Variants in DYNC1I1 observed in about 807,000 individuals in gnomAD.
DYNC1I1 encodes the protein dynein cytoplasmic 1 intermediate chain 1, also known as cytoplasmic dynein 1 intermediate chain 1.
In DYNC1I1, 43 loss-of-function variants were observed where a neutral mutation model predicts 86.6. The observed-to-expected ratio is 0.50, with a 90% CI of 0.39 to 0.64. DYNC1I1 has a LOEUF of 0.64. DYNC1I1 is among the 30% of genes least tolerant of loss of function. DYNC1I1 has a pLI of 0.00. For synonymous variants in DYNC1I1, 262 were observed against 283.7 expected (o/e 0.92, Z 0.77); for missense variants, 604 against 788.8 (o/e 0.77, Z 2.81).
chr7:95,884,328 C>T (rs373781104), intron 6 of DYNC1I1, among the ~76,000 whole-genome samples: 18 of 152,086 alleles, frequency 1.2e-4, no homozygotes, highest in African/African-American at 4.1e-4. Flanking sequence ...GAGAGATGAG[C>T]TCAGATTGGA....
chr7:95,821,449 G>A (rs1159553492), intron 4 of DYNC1I1, among the ~76,000 whole-genome samples: 1 of 152,062 alleles, frequency 6.6e-6, no homozygotes, highest in Non-Finnish European at 1.5e-5. Context: ...AATCCTGGTT[G>A]GAGAATGCCT....
At position 95,980,113 on chromosome 7, in the gene DYNC1I1, C is replaced by G. The variant is rs192178021; in HGVS notation, c.580+2512C>G. On this transcript the variant is annotated intron_variant, in intron 7 of 16. Coordinates refer to ENST00000447467, the MANE Select transcript of DYNC1I1 (RefSeq NM_001135556.2). Reference sequence around the variant, plus strand: ...AGCAACCTCCTTCTTAAGTTCCAAGCGAAAACACCCTTCAGTTTTAACTGT... The same window carrying G: ...AGCAACCTCCTTCTTAAGTTCCAAGGGAAAACACCCTTCAGTTTTAACTGT... Among the ~76,000 whole-genome samples, 4 of 152,208 alleles carry G rather than the reference C, an allele frequency of 2.6e-5. No homozygotes were observed. The East Asian group carries it at 5.8e-4, about 22-fold the overall frequency.
intron 6 of DYNC1I1, among the ~76,000 whole-genome samples, chr7:95,954,800 C>A (rs1180121875): frequency 6.6e-6 from 1 of 150,834 alleles, no homozygotes; most frequent in African/African-American, 2.4e-5. Flanking sequence ...CCTGTAGTCC[C>A]AGCTACTCAG....
intron 5 of DYNC1I1, among the ~76,000 whole-genome samples, chr7:95,857,104 C>T (rs977572932): frequency 4.6e-5 from 7 of 152,178 alleles, no homozygotes; most frequent in Non-Finnish European, 7.3e-5. Context: ...AGTGTTTTCC[C>T]GAAGTCATTC....
chr7:95,785,300 G>C (rs1215354746), intron 1 of DYNC1I1, among the ~76,000 whole-genome samples: 13 of 152,150 alleles, frequency 8.5e-5, no homozygotes, highest in Admixed American at 3.3e-4. Context: ...TGTGGTCCCA[G>C]CTACTTAGGA....
rs1481814094 is a variant in DYNC1I1 at position 96,039,438 on chromosome 7, T to G, written c.1509+17T>G. On this transcript the variant is annotated intron_variant, in intron 14 of 16. Transcript: ENST00000447467. ...ACCACCAAGGTAAGAATATCTTGACTGAAATTCTCAGATAATACATAAGGG... is the reference window on the plus strand; with the variant it reads ...ACCACCAAGGTAAGAATATCTTGACGGAAATTCTCAGATAATACATAAGGG... The G allele has an allele frequency of 2.5e-6, 4 of 1,613,440 alleles. No homozygotes were observed. The highest frequency in any genetic ancestry group is 1.1e-5 in the South Asian group (1 of 91,064).
At chr7:95,819,047 C>T (rs1371646036) in intron 4 of DYNC1I1, 3 of 152,252 alleles carry the variant, frequency 2.0e-5, no homozygotes, top group South Asian at 2.1e-4. Flanking sequence ...GGTGAGGCCC[C>T]TCTCAAGGGT....
At chr7:96,092,670 C>T (rs1196670039) in intron 16 of DYNC1I1, among the ~76,000 whole-genome samples, 1 of 152,136 alleles carries the variant, frequency 6.6e-6, no homozygotes. Flanking sequence ...AGCCTCCAGT[C>T]CACTCAGGCA....
chr7:95,939,097 T>C (rs538502491), intron 6 of DYNC1I1, among the ~76,000 whole-genome samples: 183 of 152,244 alleles, frequency 1.2e-3, no homozygotes, highest in Non-Finnish European at 2.2e-3. Context: ...TTCCATGTAG[T>C]TGAGTGGTTT....
chr7:95,942,630 A>G (rs1166084393), intron 6 of DYNC1I1, among the ~76,000 whole-genome samples: 4 of 151,902 alleles, frequency 2.6e-5, no homozygotes, highest in African/African-American at 4.8e-5. Context: ...TCAATAAAAT[A>G]CTGGCAAAAC....
At chr7:96,029,763 T>G (rs957982542) in intron 11 of DYNC1I1, among the ~76,000 whole-genome samples, 7 of 151,910 alleles carry the variant, frequency 4.6e-5, no homozygotes, top group African/African-American at 1.7e-4. Flanking sequence ...ATACAAAAAG[T>G]AGCTGGGTGT....
chr7:96,011,438 A>G (rs566340553), intron 10 of DYNC1I1, among the ~76,000 whole-genome samples: 12 of 152,176 alleles, frequency 7.9e-5, no homozygotes, highest in Admixed American at 6.5e-4. Context: ...GTTATGTGCT[A>G]TGTTAAACCC....
At chr7:95,868,380 T>A (rs1790070468) in intron 5 of DYNC1I1, among the ~76,000 whole-genome samples, 1 of 152,236 alleles carries the variant, frequency 6.6e-6, no homozygotes, top group African/African-American at 2.4e-5. Context: ...ATGTGAAAAT[T>A]CCTAACTGTG....
At chr7:96,009,487 A>G (rs1794220645) in intron 10 of DYNC1I1, among the ~76,000 whole-genome samples, 1 of 152,204 alleles carries the variant, frequency 6.6e-6, no homozygotes, top group Admixed American at 6.5e-5. Context: ...GAGTCAGGGC[A>G]TATTCCATGA....
intron 8 of DYNC1I1, 61 bp downstream of exon 8, chr7:95,985,038 T>A: frequency 6.3e-7 from 1 of 1,579,986 alleles, no homozygotes. Flanking sequence ...TTCTAATTTA[T>A]TTATGTTCTG....
chr7:95,814,679 A>G (rs1794908414), intron 4 of DYNC1I1, among the ~76,000 whole-genome samples: 1 of 152,126 alleles, frequency 6.6e-6, no homozygotes, highest in Non-Finnish European at 1.5e-5. Flanking sequence ...TTTGAAACCA[A>G]CATATAAGAC....
chr7:96,024,240 G>C (rs545258903), intron 10 of DYNC1I1, among the ~76,000 whole-genome samples: 1 of 152,028 alleles, frequency 6.6e-6, no homozygotes, highest in Non-Finnish European at 1.5e-5. Context: ...TTCCACTTAC[G>C]TAAACTACTT....
At chr7:95,836,107 G>T (rs1029613006) in intron 5 of DYNC1I1, among the ~76,000 whole-genome samples, 11 of 152,156 alleles carry the variant, frequency 7.2e-5, no homozygotes, top group African/African-American at 2.7e-4. Flanking sequence ...GCAGTGGCTG[G>T]TACCAATTGT....
chr7:95,841,019 C>T (rs1001998598), intron 5 of DYNC1I1, among the ~76,000 whole-genome samples: 20 of 152,236 alleles, frequency 1.3e-4, no homozygotes, highest in African/African-American at 4.3e-4. Context: ...GGAAGAGGAA[C>T]TGTGGCAAAT....
Sources: allele counts gnomAD v4.1 joint callset (sites outside exome capture counted in the v4.1 genomes callset), GRCh38; gene constraint gnomAD v4.1.1; transcripts MANE v1.5; gene names NCBI Gene and HGNC (gene_info 2026-07-23, HGNC 2026-07-21).